ACAP1: variants seen among roughly 807,000 people sequenced by gnomAD.
ACAP1 encodes the protein arf-GAP with coiled-coil, ANK repeat and PH domain-containing protein 1.
A neutral mutation model predicts 98.8 loss-of-function variants in ACAP1; 45 were observed. That is an observed-to-expected ratio of 0.46 (90% confidence interval 0.36 to 0.58). ACAP1 has a LOEUF of 0.58. Ranked by LOEUF, ACAP1 falls within the 20% of genes least tolerant of loss-of-function variation. The pLI is 0.00. For synonymous variants in ACAP1, 362 were observed against 375.3 expected, an observed-to-expected ratio of 0.96 and a Z score of 0.41; for missense variants, 735 against 971.4, an observed-to-expected ratio of 0.76 and a Z score of 3.24.
chr17:7,344,618 G>C lies in ACAP1; in HGVS notation c.824G>C (p.Arg275Pro). Residue 275 changes from arginine (R) to proline (P), a missense_variant, in exon 10 of 22, where the codon CGG becomes CCG. Physicochemically the swap from Arg to Pro is moderately radical, Grantham distance 103 (BLOSUM62 -2). This residue lies in a region of ACAP1 where 430 missense variants were observed against 531.8 expected (regional missense o/e 0.81). Coordinates refer to ENST00000158762, the MANE Select transcript of ACAP1 (RefSeq NM_014716.4). This position sits in a 1 kb window ranked among gnomAD's most constrained non-coding sequence, Gnocchi z 4.9. ...GTGATGGAAGGACATCTCTTCAAACGGGCCAGCAACGCATTTAAGACCTGG... is the reference window on the plus strand; with the variant it reads ...GTGATGGAAGGACATCTCTTCAAACCGGCCAGCAACGCATTTAAGACCTGG... ...GLVMEGHLFK[R>P]ASNAFKTWSR... 1 of 1,551,284 alleles carries C rather than the reference G, an allele frequency of 6.4e-7. No individual in the cohort carries two copies.
rs768583105 is a variant in ACAP1, at chr17:7,346,776, C to T, written c.1008-32C>T. ...CCACTTTGCTTCCCAGGCCTCAGAC[C>T]CCTCTGCCATCTCCCTCACCCTCCT... On this transcript the variant is annotated intron_variant, in intron 12 of 21. Transcript: ENST00000158762. 6.9e-6 allele frequency: 11 copies of T among 1,597,056 alleles called. No individual in the cohort carries two copies. In the African/African-American group the frequency reaches 9.4e-5, roughly 14 times the overall value.
chr17:7,350,144 T>C lies in ACAP1; in HGVS notation c.1979T>C (p.Leu660Pro). 6.2e-7 allele frequency: 1 copy of C among 1,614,148 alleles called. No homozygotes were observed. The highest frequency in any genetic ancestry group is 1.1e-5 in the South Asian group (1 of 91,086). Reference sequence around the variant, plus strand: ...CTCTCCAGGCTCGCCTGCCTGTTCCTGAAACGGGGAGCTGATCTGGGGGCT... The same window carrying C: ...CTCTCCAGGCTCGCCTGCCTGTTCCCGAAACGGGGAGCTGATCTGGGGGCT... ...LGHTGLACLF[L>P]KRGADLGARD... Residue 660 changes from leucine to proline, a missense_variant, in exon 20 of 22, where the codon CTG becomes CCG. This residue lies in a region of ACAP1 where 142 missense variants were observed against 224.1 expected (regional missense o/e 0.63). Transcript: ENST00000158762. This position sits in a 1 kb window ranked among gnomAD's most constrained non-coding sequence, Gnocchi z 4.6.
intron 2 of ACAP1, among the ~76,000 whole-genome samples, chr17:7,340,603 G>A (rs1226471004): frequency 2.6e-5 from 4 of 152,142 alleles, no homozygotes; most frequent in Non-Finnish European, 4.4e-5. Flanking sequence ...CCAGCACTTC[G>A]GGAGGCCGAA....
At chr17:7,341,221 G>A (rs1322821481) in intron 2 of ACAP1, among the ~76,000 whole-genome samples, 1 of 152,196 alleles carries the variant, frequency 6.6e-6, no homozygotes, top group Non-Finnish European at 1.5e-5. Context: ...CGCCATCTCG[G>A]CTCACTGCAG....
At position 7,346,871 on chromosome 17, in the gene ACAP1, C is replaced by T; in HGVS notation, c.1071C>T (p.Ser357=). 6.2e-7 allele frequency: 1 copy of T among 1,613,490 alleles called. No individual in the cohort carries two copies. Among genetic ancestry groups the T allele is most frequent in the Admixed American group, 1.7e-5 (1 of 60,000 alleles). The change falls in exon 13 of 22, where the codon AGC becomes AGT. Residue 357 remains serine, a synonymous_variant. Coordinates refer to ENST00000158762, the MANE Select transcript of ACAP1 (RefSeq NM_014716.4). The part of the protein sequence containing the change: ...LLQLWVSAVQ[S]SIASAFSQAR... ...AGCTGTGGGTCAGTGCTGTGCAGAG[C>T]AGCATTGCTTCTGCCTTCAGTCAGG...
chr17:7,343,861 G>T lies in ACAP1; in HGVS notation c.574G>T (p.Val192Leu). 7 of 1,613,990 alleles carry T rather than the reference G, an allele frequency of 4.3e-6. No homozygotes were observed. Among genetic ancestry groups the T allele is most frequent in the Non-Finnish European group, 5.9e-6 (7 of 1,179,932 alleles). The change falls in exon 8 of 22, where the codon GTG (valine) becomes TTG (leucine). Residue 192 changes from valine (V) to leucine (L), a missense_variant and splice_region_variant. Val to Leu is a conservative substitution (Grantham distance 32). Around this residue, in one of 5 missense-constraint regions of ACAP1, gnomAD observed 430 missense variants for 531.8 expected, o/e 0.81. Transcript: ENST00000158762. The surrounding 1 kb of genome is among the most constrained non-coding windows in gnomAD (Gnocchi z 4.9). ...TCCCACTGCCCGCCTTGTCCCCCAG[G>T]TGCTGCGTTTGGTGGAGGCCCAGGC... ...DKRKFDIMEFVLRLVEAQATH... is the reference protein window; with the variant it reads ...DKRKFDIMEFLLRLVEAQATH...
chr17:7,348,276 G>T (rs372694472), intron 16 of ACAP1, 30 bp from the exon 17 acceptor site: 33 of 1,605,732 alleles, frequency 2.1e-5, no homozygotes, highest in Non-Finnish European at 2.6e-5. Context: ...AGCAGAAGAG[G>T]GAAGACTGCG....
At chr17:7,349,440 A>G in intron 18 of ACAP1, 1 of 353,842 alleles carries the variant, frequency 2.8e-6, no homozygotes, top group South Asian at 5.0e-5. Flanking sequence ...CAATGGTGCG[A>G]TCTCGGCTCA....
At chr17:7,340,802 T>G (rs947634147) in intron 2 of ACAP1, among the ~76,000 whole-genome samples, 5 of 152,108 alleles carry the variant, frequency 3.3e-5, no homozygotes, top group African/African-American at 9.7e-5. Context: ...GCCAAGATCA[T>G]GCCATTGCAC....
In ACAP1 at chr17:7,350,470, C is replaced by T; in HGVS notation, c.2072+233C>T. The T allele has an allele frequency of 1.7e-6, 1 of 575,464 alleles. No individual in the cohort carries two copies. The highest frequency in any genetic ancestry group is 3.1e-6 in the Non-Finnish European group (1 of 323,500). The allele number at this position is 575,464 out of a possible 1,614,324, so 35.6% of individuals were successfully genotyped here. A position where few individuals can be genotyped will look rare whatever the true frequency, so the allele number is the denominator to read the frequency against. On this transcript the variant is annotated intron_variant, in intron 20 of 21. Coordinates refer to ENST00000158762, the MANE Select transcript of ACAP1 (RefSeq NM_014716.4). This position sits in a 1 kb window ranked among gnomAD's most constrained non-coding sequence, Gnocchi z 4.6. ...GGGCAGGGTGCAAGGATGCTTGGCC[C>T]ACCCTGAGAGGCGTAATTCGCCCAT...
Position 7,350,355 on chromosome 17 carries a change from G to A in ACAP1, c.2072+118G>A. 2 of 796,240 alleles carry A rather than the reference G, an allele frequency of 2.5e-6. No individual in the cohort carries two copies. The highest frequency in any genetic ancestry group is 3.9e-6 in the Non-Finnish European group (2 of 515,606). 49.3% of individuals were successfully genotyped at this position (796,240 alleles called of 1,614,324 possible). On this transcript the variant is annotated intron_variant, in intron 20 of 21. Coordinates refer to ENST00000158762, the MANE Select transcript of ACAP1 (RefSeq NM_014716.4). This position sits in a 1 kb window ranked among gnomAD's most constrained non-coding sequence, Gnocchi z 4.6. ...CAGAAGCCTGTGCTGTGGGGCCTCGGAAAGGGGCTGGGCCAGCGCCGGGGC... is the reference window on the plus strand; with the variant it reads ...CAGAAGCCTGTGCTGTGGGGCCTCGAAAAGGGGCTGGGCCAGCGCCGGGGC...
chr17:7,344,459 G>C lies in ACAP1; in HGVS notation c.745-80G>C. ...TTCAAAAAGCAGAAAGTAAGGGCTA[G>C]GGCTGTGGGCAGGAGGCAGATGCCT... On this transcript the variant is annotated intron_variant, in intron 9 of 21. Transcript: ENST00000158762. This position sits in a 1 kb window ranked among gnomAD's most constrained non-coding sequence, Gnocchi z 4.9. 2.0e-6 allele frequency: 2 copies of C among 999,244 alleles called. No homozygotes were observed. 61.9% of individuals were successfully genotyped at this position (999,244 alleles called of 1,614,324 possible). A position where few individuals can be genotyped will look rare whatever the true frequency, so the allele number is the denominator to read the frequency against.
chr17:7,339,587 G>A (rs536789433), intron 2 of ACAP1, among the ~76,000 whole-genome samples: 2 of 152,286 alleles, frequency 1.3e-5, no homozygotes, highest in Non-Finnish European at 2.9e-5. Context: ...TCCAGCCTGC[G>A]GAGGTCGCAA....
At chr17:7,349,251 C>T (rs954072868) in intron 18 of ACAP1, 84 bp downstream of exon 18, 1 of 1,459,456 alleles carries the variant, frequency 6.9e-7, no homozygotes, top group African/African-American at 1.4e-5. Context: ...ACCTCCTTTC[C>T]CCACCACCTG....
At chr17:7,346,358 G>A (rs201365920) in intron 11 of ACAP1, 33 bp from the exon 12 acceptor site, 3 of 1,613,862 alleles carry the variant, frequency 1.9e-6, no homozygotes, top group Non-Finnish European at 1.7e-6. Context: ...CCTGCAGCTG[G>A]ACATCTGGCC....
Position 7,344,659 on chromosome 17 carries a change from G to A in ACAP1, c.854+11G>A. On this transcript the variant is annotated intron_variant, in intron 10 of 21. Transcript: ENST00000158762. This position sits in a 1 kb window ranked among gnomAD's most constrained non-coding sequence, Gnocchi z 4.9. ...TAAGACCTGGAGCAGGTGAGGAGAG[G>A]ACACCCCCAATCAGCCCGCCCCACC... The A allele has an allele frequency of 6.5e-7, 1 of 1,542,304 alleles. No individual in the cohort carries two copies. The highest frequency in any genetic ancestry group is 8.8e-7 in the Non-Finnish European group (1 of 1,138,550).
At chr17:7,346,552 C>A in intron 12 of ACAP1, 61 bp downstream of exon 12, 1 of 1,439,348 alleles carries the variant, frequency 6.9e-7, no homozygotes. Flanking sequence ...ATCTGAAAGG[C>A]AGGGCCCACC....
At chr17:7,347,501 G>T in intron 14 of ACAP1, 1 of 521,806 alleles carries the variant, frequency 1.9e-6, no homozygotes. Context: ...GAAGAAGTGT[G>T]GGGTCAAGGC....
chr17:7,337,245 TC>T, intron 1 of ACAP1, 66 bp from the exon 2 acceptor site: 1 of 1,506,932 alleles, frequency 6.6e-7, no homozygotes, highest in Non-Finnish European at 9.2e-7. Flanking sequence ...TGCGACTCCA[TC>T]CCGCCTGATG....
Sources: gnomAD v4.1 joint callset for allele counts (sites outside exome capture counted in the v4.1 genomes callset) on GRCh38, gnomAD v4.1.1 for gene constraint, gnomAD v4.1.1 regional missense constraint, Gnocchi (gnomAD v3.1) non-coding constraint, MANE v1.5 for transcripts, NCBI Gene and HGNC (gene_info 2026-07-23, HGNC 2026-07-21) for gene names.